TM7SF3: variants seen among roughly 807,000 people sequenced by gnomAD.
The protein encoded by TM7SF3 is seven span transmembrane protein.
Under a neutral mutation model 65.5 loss-of-function variants are expected in TM7SF3, and 60 were observed. That is an observed-to-expected ratio of 0.92 (90% CI 0.74 to 1.14). TM7SF3 has a LOEUF of 1.14. Ranked by LOEUF, TM7SF3 falls within the 50% of genes most tolerant of loss-of-function variation. The probability of loss-of-function intolerance (pLI) is 0.00; values close to 1 mark genes in which losing one functional copy is unlikely to be tolerated. For synonymous variants in TM7SF3, 264 were observed against 259.6 expected, an observed-to-expected ratio of 1.02 and a Z score of -0.16; for missense variants, 623 against 684.8, an observed-to-expected ratio of 0.91 and a Z score of 1.01.
At chr12:27,010,062 G>A (rs541876251) in intron 1 of TM7SF3, among the ~76,000 whole-genome samples, 1 of 152,184 alleles carries the variant, frequency 6.6e-6, no homozygotes, top group Non-Finnish European at 1.5e-5. Flanking sequence ...GTAAATGTTT[G>A]TTAAATGATG....
In TM7SF3 at chr12:26,973,835, A is replaced by C; in HGVS notation, c.*130T>G. 8.5e-7 allele frequency: 1 copy of C among 1,176,198 alleles called. No individual in the cohort carries two copies. The highest frequency in any genetic ancestry group is 1.2e-6 in the Non-Finnish European group (1 of 841,632). The allele number at this position is 1,176,198 out of a possible 1,614,324, so 72.9% of individuals were successfully genotyped here. A position where few individuals can be genotyped will look rare whatever the true frequency, so the allele number is the denominator to read the frequency against. ...AGTACACCCTTACCATATATCAATA[A>C]GGGCACCATAATATTATGCAAAGAA... On this transcript the variant is annotated 3_prime_UTR_variant, in exon 12 of 12. Transcript: ENST00000343028.
intron 1 of TM7SF3, among the ~76,000 whole-genome samples, chr12:27,011,964 C>T (rs1592323462): frequency 6.6e-6 from 1 of 152,154 alleles, no homozygotes; most frequent in African/African-American, 2.4e-5. Context: ...TTCTGGACGC[C>T]TGCTCTCCTG....
rs769911180 is a variant in TM7SF3 at position 26,995,420 on chromosome 12, C to G, written c.519-12G>C. 3.7e-6 allele frequency: 6 copies of G among 1,613,898 alleles called. No homozygotes were observed. Among genetic ancestry groups the G allele is most frequent in the Non-Finnish European group, 4.2e-6 (5 of 1,179,912 alleles). ...GGGGATCTACGCCTCTAAAGTCAAC[C>G]AACAAAATGAAACATCAGTCTCTTG... is the stretch of plus-strand genomic sequence containing the variant. On this transcript the variant is annotated splice_polypyrimidine_tract_variant and intron_variant, in intron 4 of 11. Coordinates refer to ENST00000343028, the MANE Select transcript of TM7SF3 (RefSeq NM_016551.3).
chr12:26,987,109 G>A (rs896320965), intron 6 of TM7SF3, among the ~76,000 whole-genome samples: 7 of 151,886 alleles, frequency 4.6e-5, no homozygotes, highest in African/African-American at 1.7e-4. Flanking sequence ...TTCCACCTCT[G>A]CCTCCCCTTT....
chr12:27,010,605 T>G (rs1941208889), intron 1 of TM7SF3, among the ~76,000 whole-genome samples: 1 of 152,230 alleles, frequency 6.6e-6, no homozygotes, highest in South Asian at 2.1e-4. Flanking sequence ...GGAAAAGGAT[T>G]TATTAGAAGC....
intron 6 of TM7SF3, among the ~76,000 whole-genome samples, chr12:26,986,774 C>G (rs553648402): frequency 8.5e-5 from 13 of 152,162 alleles, no homozygotes; most frequent in Admixed American, 8.5e-4. Context: ...AGTCAGGCGC[C>G]TACCCCACCT....
Position 26,983,224 on chromosome 12 carries a change from A to G in TM7SF3, c.869-365T>C, listed in dbSNP as rs1939891981. Among the ~76,000 whole-genome samples the G allele has an allele frequency of 3.9e-4, 7 of 17,842 alleles. No homozygotes were observed. In the South Asian group the frequency reaches 0.012, roughly 31 times the overall value. The allele number at this position is 17,842 out of a possible 152,430, so 11.7% of individuals were successfully genotyped here. A position where few individuals can be genotyped will look rare whatever the true frequency, so the allele number is the denominator to read the frequency against. ...ATAAACTGCATGGACAAAAGGTGGC[A>G]GGGAGTGGGGGGGAGGTGGTGGGGG... On this transcript the variant is annotated intron_variant, in intron 6 of 11. Coordinates refer to ENST00000343028, the MANE Select transcript of TM7SF3 (RefSeq NM_016551.3).
Position 27,003,229 on chromosome 12 carries a change from C to CACTT in TM7SF3, c.246+3_246+6dup. 1 of 1,595,780 alleles carries CACTT rather than the reference C, an allele frequency of 6.3e-7. No homozygotes were observed. The highest frequency in any genetic ancestry group is 1.1e-5 in the South Asian group (1 of 88,136). ...TGATTTTTACTAAAATAATTCTTTG[C>CACTT]ACTTACCGGAGAAAAGGAAACAGTT... On this transcript the variant is annotated splice_region_variant and intron_variant, in intron 2 of 11. Transcript: ENST00000343028.
rs575237714 is a variant in TM7SF3, at chr12:26,995,304, T to C, written c.623A>G (p.Glu208Gly). The C allele has an allele frequency of 6.2e-6, 10 of 1,614,146 alleles. No homozygotes were observed. The South Asian group carries it at 1.1e-4, about 18-fold the overall frequency. Residue 208 changes from glutamate (E) to glycine (G), a missense_variant, in exon 5 of 12, where the codon GAG (glutamate) becomes GGG (glycine). Coordinates refer to ENST00000343028, the MANE Select transcript of TM7SF3 (RefSeq NM_016551.3). ...CTGCAGATGCTTCAGCAACATCTCC[T>C]CAGTGAGGTCATTCTCAGGCAGAAA... ...QYFLPENDLT[E>G]EMLLKHLQRM...
In TM7SF3 at chr12:26,982,793, C is replaced by G. The variant is rs757458529; in HGVS notation, c.935G>C (p.Gly312Ala). Residue 312 changes from glycine (G) to alanine (A), a missense_variant, in exon 7 of 12, where the codon GGA becomes GCA. Gly to Ala is a moderately conservative substitution (Grantham distance 60). Coordinates refer to ENST00000343028, the MANE Select transcript of TM7SF3 (RefSeq NM_016551.3). ...AATACCTGTTTTCCAGAATCTGTGT[C>G]CAAAGAAACAAATGAAGAAACCAAG... ...ALLGFFICFF[G>A]HRFWKTELFF... 26 of 1,608,440 alleles carry G rather than the reference C, an allele frequency of 1.6e-5. No homozygotes were observed. The highest frequency in any genetic ancestry group is 2.5e-6 in the Non-Finnish European group (3 of 1,178,210).
chr12:26,986,521 A>G (rs1216938516), intron 6 of TM7SF3, among the ~76,000 whole-genome samples: 1 of 151,936 alleles, frequency 6.6e-6, no homozygotes, highest in East Asian at 1.9e-4. Context: ...AGTGGTCCCT[A>G]TGCCTATTGT....
chr12:26,986,222 G>T (rs1422232768), intron 6 of TM7SF3, among the ~76,000 whole-genome samples: 1 of 152,040 alleles, frequency 6.6e-6, no homozygotes, highest in Non-Finnish European at 1.5e-5. Context: ...TGATAAGTCA[G>T]CTTAGCAAGA....
chr12:26,971,763 C>T lies in TM7SF3; in HGVS notation c.*2202G>A, dbSNP rs902153727. 2 of 152,098 alleles carry T rather than the reference C, an allele frequency of 1.3e-5. No individual in the cohort carries two copies. Among genetic ancestry groups the T allele is most frequent in the South Asian group, 2.1e-4 (1 of 4,830 alleles). The allele number at this position is 152,098 out of a possible 1,614,324, so 9.4% of individuals were successfully genotyped here. A position where few individuals can be genotyped will look rare whatever the true frequency, so the allele number is the denominator to read the frequency against. ...AACATTCCATATAACTTTGTCCCTA[C>T]AGTAAATAATTTTTTAAAACTTTTC... On this transcript the variant is annotated 3_prime_UTR_variant, in exon 12 of 12. Coordinates refer to ENST00000343028, the MANE Select transcript of TM7SF3 (RefSeq NM_016551.3).
In TM7SF3 at chr12:26,971,858, C is replaced by G. The variant is rs1565860103; in HGVS notation, c.*2107G>C. 4 of 152,130 alleles carry G rather than the reference C, an allele frequency of 2.6e-5. No individual in the cohort carries two copies. The highest frequency in any genetic ancestry group is 4.4e-5 in the Non-Finnish European group (3 of 68,038). 9.4% of individuals were successfully genotyped at this position (152,130 alleles called of 1,614,324 possible). On this transcript the variant is annotated 3_prime_UTR_variant, in exon 12 of 12. Coordinates refer to ENST00000343028, the MANE Select transcript of TM7SF3 (RefSeq NM_016551.3). ...TACAGAATAAGCAGTAAATGGTCAC[C>G]TGCACTGTATTTTTCAAAGCAAAAA...
chr12:26,999,388 T>G, intron 3 of TM7SF3, 138 bp downstream of exon 3: 1 of 840,822 alleles, frequency 1.2e-6, no homozygotes, highest in East Asian at 2.9e-5. Flanking sequence ...AGTGCGAGAC[T>G]CCATCTCAAA....
At chr12:27,013,353 C>T (rs1941322096) in intron 1 of TM7SF3, among the ~76,000 whole-genome samples, 1 of 152,132 alleles carries the variant, frequency 6.6e-6, no homozygotes, top group African/African-American at 2.4e-5. Context: ...AAATTTCTTG[C>T]CCTCAAGTAA....
At position 26,973,978 on chromosome 12, in the gene TM7SF3, G is replaced by A; in HGVS notation, c.1700C>T (p.Pro567Leu). The A allele has an allele frequency of 6.2e-7, 1 of 1,614,096 alleles. No individual in the cohort carries two copies. The highest frequency in any genetic ancestry group is 2.2e-5 in the East Asian group (1 of 44,880). Residue 567 changes from proline (P) to leucine (L), a missense_variant, in exon 12 of 12, where the codon CCT becomes CTT. Coordinates refer to ENST00000343028, the MANE Select transcript of TM7SF3 (RefSeq NM_016551.3). ...GCCCCTGGGCATCTACAGAAGCAAA[G>A]GCGTTCTCTCTCCAGCTGGCTGCTC... ...QKEQPAGERT[P>L]LLL
intron 3 of TM7SF3, among the ~76,000 whole-genome samples, chr12:26,998,197 G>A (rs751531279): frequency 2.0e-5 from 3 of 152,066 alleles, no homozygotes; most frequent in African/African-American, 4.8e-5. Flanking sequence ...CCACAGTGTT[G>A]TGCTTATTCC....
At chr12:26,992,078 AC>A (rs1334310628) in intron 5 of TM7SF3, among the ~76,000 whole-genome samples, 1 of 152,160 alleles carries the variant, frequency 6.6e-6, no homozygotes, top group African/African-American at 2.4e-5. Context: ...GTTACTCAGT[AC>A]AGATGTAAGT....
Sources: gnomAD v4.1 joint callset for allele counts (sites outside exome capture counted in the v4.1 genomes callset) on GRCh38, gnomAD v4.1.1 for gene constraint, MANE v1.5 for transcripts, NCBI Gene and HGNC (gene_info 2026-07-23, HGNC 2026-07-21) for gene names.